Variants in ADCY2 observed in about 807,000 individuals in gnomAD.
ADCY2 encodes the protein adenylate cyclase type 2.
A neutral mutation model predicts 125.2 loss-of-function variants in ADCY2; 31 were observed. The observed-to-expected ratio is 0.25, with a 90% CI of 0.19 to 0.33. ADCY2 has a LOEUF of 0.33. Among genes scored for constraint, ADCY2 ranks in the 10% least tolerant of loss-of-function variants. The probability of loss-of-function intolerance (pLI) is 1.00; values close to 1 mark genes in which losing one functional copy is unlikely to be tolerated. For missense variants in ADCY2, 904 were observed against 1,418.2 expected, an observed-to-expected ratio of 0.64 and a Z score of 5.82; for synonymous variants, 512 against 548.4, an observed-to-expected ratio of 0.93 and a Z score of 0.93.
At chr5:7,641,468 T>C (rs1435876782) in intron 4 of ADCY2, among the ~76,000 whole-genome samples, 1 of 152,204 alleles carries the variant, frequency 6.6e-6, no homozygotes, top group Non-Finnish European at 1.5e-5. Flanking sequence ...TATTATATTA[T>C]GATGTCTCCT....
At chr5:7,686,674 T>A (rs1740532323) in intron 4 of ADCY2, among the ~76,000 whole-genome samples, 1 of 152,240 alleles carries the variant, frequency 6.6e-6, no homozygotes, top group Non-Finnish European at 1.5e-5. Context: ...ATACCCAGTA[T>A]ATTAAGCACT....
rs1021322784 is a variant in ADCY2, at chr5:7,709,273, G to A, written c.1464G>A (p.Met488Ile). Residue 488 changes from methionine to isoleucine, a missense_variant, in exon 10 of 25, where the codon ATG becomes ATA. Physicochemically the swap from Met to Ile is conservative, Grantham distance 10. Around this residue, in one of 7 missense-constraint regions of ADCY2, gnomAD observed 144 missense variants for 227.7 expected, o/e 0.63. Coordinates refer to ENST00000338316, the MANE Select transcript of ADCY2 (RefSeq NM_020546.3). The surrounding 1 kb of genome is among the most constrained non-coding windows in gnomAD (Gnocchi z 4.4). ...RPRHTLDGAK[M>I]RASVRMTRYL... ...GCCACACCCTTGATGGAGCCAAAATGAGGGCCTCGGTCCGCATGACCCGGT... is the reference window on the plus strand; with the variant it reads ...GCCACACCCTTGATGGAGCCAAAATAAGGGCCTCGGTCCGCATGACCCGGT... 1.9e-6 allele frequency: 3 copies of A among 1,613,916 alleles called. No individual in the cohort carries two copies. Among genetic ancestry groups the A allele is most frequent in the Non-Finnish European group, 2.5e-6 (3 of 1,179,934 alleles).
At chr5:7,656,835 C>T (rs1739352784) in intron 4 of ADCY2, among the ~76,000 whole-genome samples, 1 of 152,202 alleles carries the variant, frequency 6.6e-6, no homozygotes, top group Non-Finnish European at 1.5e-5. Flanking sequence ...CTGCAGTCTT[C>T]TATGACTGAG....
intron 4 of ADCY2, among the ~76,000 whole-genome samples, chr5:7,629,156 A>T (rs749748313): frequency 1.3e-5 from 2 of 152,232 alleles, no homozygotes; most frequent in African/African-American, 4.8e-5. Flanking sequence ...TTTAATGTAC[A>T]CGTTAGCAGC....
At chr5:7,688,261 G>A (rs1740588590) in intron 4 of ADCY2, among the ~76,000 whole-genome samples, 2 of 122,686 alleles carry the variant, frequency 1.6e-5, no homozygotes, top group South Asian at 6.8e-4. Context: ...GAGATCTCCT[G>A]ATTTTTTTTG....
chr5:7,443,001 A>G (rs1227702123), intron 2 of ADCY2, among the ~76,000 whole-genome samples: 20 of 152,132 alleles, frequency 1.3e-4, no homozygotes, highest in Admixed American at 1.3e-3. Context: ...GGCTAGTCAG[A>G]GCCCCATGAC....
intron 20 of ADCY2, chr5:7,801,873 G>A (rs896577536): frequency 9.8e-6 from 2 of 204,332 alleles, no homozygotes; most frequent in Non-Finnish European, 2.0e-5. Flanking sequence ...GACAATCTGA[G>A]AGTTTGGGAA....
At chr5:7,537,182 T>C (rs1694975302) in intron 3 of ADCY2, among the ~76,000 whole-genome samples, 1 of 152,220 alleles carries the variant, frequency 6.6e-6, no homozygotes, top group Non-Finnish European at 1.5e-5. Context: ...TCTTATTTAC[T>C]ATGTTTTAAA....
At chr5:7,490,998 C>T (rs1743142918) in intron 2 of ADCY2, among the ~76,000 whole-genome samples, 1 of 152,114 alleles carries the variant, frequency 6.6e-6, no homozygotes, top group Non-Finnish European at 1.5e-5. Context: ...TAAAAAATAA[C>T]ATGCTCCTTA....
At chr5:7,803,519 C>G (rs1744665715) in intron 21 of ADCY2, among the ~76,000 whole-genome samples, 1 of 152,172 alleles carries the variant, frequency 6.6e-6, no homozygotes, top group East Asian at 1.9e-4. Flanking sequence ...TTATCCCTAC[C>G]TTTCCTCCAT....
Position 7,687,216 on chromosome 5 carries a change from G to T in ADCY2, c.721-3475G>T, listed in dbSNP as rs544287906. On this transcript the variant is annotated intron_variant, in intron 4 of 24. Coordinates refer to ENST00000338316, the MANE Select transcript of ADCY2 (RefSeq NM_020546.3). ...AAAGTCAGTCATCCTTCTACATTTG[G>T]GTCTAAAATAAAGATTTTAACTTAC... 4.6e-5 allele frequency among the ~76,000 whole-genome samples: 7 copies of T among 152,104 alleles called. No individual in the cohort carries two copies. The East Asian group carries it at 1.4e-3, about 29-fold the overall frequency.
intron 3 of ADCY2, among the ~76,000 whole-genome samples, chr5:7,563,508 C>T (rs1735792733): frequency 6.6e-6 from 1 of 152,142 alleles, no homozygotes; most frequent in Non-Finnish European, 1.5e-5. Flanking sequence ...TCAAAATGTG[C>T]AGGCTGCATG....
At chr5:7,736,455 A>T (rs1004441396) in intron 14 of ADCY2, among the ~76,000 whole-genome samples, 4 of 152,218 alleles carry the variant, frequency 2.6e-5, no homozygotes, top group African/African-American at 9.6e-5. Context: ...CAGCAAATCA[A>T]AAACAGATAG....
chr5:7,767,446 T>C (rs776017003), intron 17 of ADCY2, among the ~76,000 whole-genome samples: 3 of 152,242 alleles, frequency 2.0e-5, no homozygotes, highest in Non-Finnish European at 4.4e-5. Context: ...TCCTTTGCAC[T>C]TTCCAAATAA....
intron 7 of ADCY2, among the ~76,000 whole-genome samples, chr5:7,699,120 C>A (rs1334676802): frequency 5.9e-5 from 2 of 33,916 alleles, no homozygotes; most frequent in Non-Finnish European, 1.1e-4. Flanking sequence ...TTTTTTGAGA[C>A]GGAGTCTCGC....
chr5:7,559,561 T>A (rs182675405), intron 3 of ADCY2, among the ~76,000 whole-genome samples: 69 of 152,362 alleles, frequency 4.5e-4, no homozygotes, highest in African/African-American at 1.6e-3. Context: ...TTTATCAGCT[T>A]AAGAAGCTTT....
At chr5:7,514,513 T>G (rs1744186218) in intron 2 of ADCY2, among the ~76,000 whole-genome samples, 1 of 152,192 alleles carries the variant, frequency 6.6e-6, no homozygotes, top group African/African-American at 2.4e-5. Flanking sequence ...AACCCTGGTT[T>G]GCTTACAGCA....
In ADCY2 at chr5:7,562,076, GT is replaced by G. The variant is rs1735726351; in HGVS notation, c.570+41180del. Among the ~76,000 whole-genome samples the G allele has an allele frequency of 3.3e-5, 5 of 152,060 alleles. No homozygotes were observed. In the South Asian group the frequency reaches 1.0e-3, roughly 32 times the overall value. On this transcript the variant is annotated intron_variant, in intron 3 of 24. Transcript: ENST00000338316. ...ATAGTTTTGTTGATTCCATGAATGG[GT>G]TTATAATTTTCTAAAATTATGTTTT...
chr5:7,511,946 C>T (rs1425110149), intron 2 of ADCY2, among the ~76,000 whole-genome samples: 3 of 151,696 alleles, frequency 2.0e-5, no homozygotes, highest in East Asian at 2.0e-4. Flanking sequence ...AGGGGCCAGA[C>T]GCTGTGGCTC....
Sources: allele counts gnomAD v4.1 joint callset (sites outside exome capture counted in the v4.1 genomes callset), GRCh38; gene constraint gnomAD v4.1.1; regional missense constraint gnomAD v4.1.1; non-coding constraint Gnocchi (gnomAD v3.1); transcripts MANE v1.5; gene names NCBI Gene and HGNC (gene_info 2026-07-23, HGNC 2026-07-21).